The following FHIT variants were observed in gnomAD, a reference collection of about 807,000 sequenced individuals.
FHIT encodes bis(5'-adenosyl)-triphosphatase.
In FHIT, 19 loss-of-function variants were observed where a neutral mutation model predicts 17.9. The ratio of observed to expected loss-of-function variants is 1.06; its 90% confidence interval spans 0.74 to 1.56. The LOEUF (loss-of-function observed/expected upper bound fraction) is 1.56. Ranked by LOEUF, FHIT falls within the 40% of genes most tolerant of loss-of-function variation. FHIT has a pLI of 0.00. For synonymous variants in FHIT, 81 were observed against 69.7 expected (o/e 1.16, Z -0.81); for missense variants, 248 against 189.2 (o/e 1.31, Z -1.82).
At chr3:59,816,133 C>G (rs6769366) in intron 8 of FHIT, among the ~76,000 whole-genome samples, 20,514 of 152,164 alleles carry the variant, frequency 0.13, 1,678 homozygotes, top group African/African-American at 0.21. Flanking sequence ...CAGAGAGTGA[C>G]AGCCAAGACT....
intron 3 of FHIT, among the ~76,000 whole-genome samples, chr3:61,007,407 G>T (rs994951502): frequency 6.6e-6 from 1 of 152,128 alleles, no homozygotes; most frequent in Non-Finnish European, 1.5e-5. Context: ...ATCGATGGAG[G>T]AGCAATAAAT....
chr3:59,854,152 T>C (rs1309463533), intron 8 of FHIT, among the ~76,000 whole-genome samples: 2 of 152,182 alleles, frequency 1.3e-5, no homozygotes, highest in Non-Finnish European at 2.9e-5. Flanking sequence ...TCGTTAGCCC[T>C]GCACTGCAAG....
intron 8 of FHIT, among the ~76,000 whole-genome samples, chr3:59,848,162 A>T (rs1174499570): frequency 6.6e-6 from 1 of 152,200 alleles, no homozygotes; most frequent in African/African-American, 2.4e-5. Flanking sequence ...GTACATGCAC[A>T]GCTGCCTGCC....
chr3:61,087,992 C>A (rs2035357564), intron 2 of FHIT, among the ~76,000 whole-genome samples: 1 of 152,142 alleles, frequency 6.6e-6, no homozygotes, highest in South Asian at 2.1e-4. Flanking sequence ...TAGAGACCTC[C>A]CTCTAGAGCA....
chr3:60,750,471 A>C (rs2042443935), intron 4 of FHIT, among the ~76,000 whole-genome samples: 1 of 152,106 alleles, frequency 6.6e-6, no homozygotes, highest in Non-Finnish European at 1.5e-5. Context: ...TTATGGGAGC[A>C]AGTCTTTCCT....
intron 5 of FHIT, among the ~76,000 whole-genome samples, chr3:60,385,220 G>A (rs556437658): frequency 6.6e-6 from 1 of 152,302 alleles, no homozygotes; most frequent in South Asian, 2.1e-4. Context: ...ATACAAGGCA[G>A]CAGTAAATGT....
intron 5 of FHIT, among the ~76,000 whole-genome samples, chr3:60,339,834 G>C (rs577537020): frequency 6.6e-6 from 1 of 152,048 alleles, no homozygotes; most frequent in Non-Finnish European, 1.5e-5. Context: ...TTCTCACCTT[G>C]TTGCTATGCA....
At chr3:60,053,886 T>C (rs1701982100) in intron 5 of FHIT, among the ~76,000 whole-genome samples, 1 of 152,164 alleles carries the variant, frequency 6.6e-6, no homozygotes, top group Non-Finnish European at 1.5e-5. Flanking sequence ...TTCTTAAAAA[T>C]ATACAGACAG....
At chr3:60,443,265 T>G (rs7373797) in intron 5 of FHIT, among the ~76,000 whole-genome samples, 144,093 of 152,128 alleles carry the variant, frequency 0.95, 68,676 homozygotes, top group East Asian at 1. Context: ...TACCCTTTAC[T>G]TCTTTCTCCT....
At chr3:60,087,766 T>A (rs970985327) in intron 5 of FHIT, among the ~76,000 whole-genome samples, 1 of 152,182 alleles carries the variant, frequency 6.6e-6, no homozygotes, top group Non-Finnish European at 1.5e-5. Context: ...AGTCTATATT[T>A]CTATCAGCAT....
At chr3:60,150,581 A>C (rs924290873) in intron 5 of FHIT, among the ~76,000 whole-genome samples, 3 of 152,156 alleles carry the variant, frequency 2.0e-5, no homozygotes, top group African/African-American at 7.2e-5. Flanking sequence ...CTCAGTCTCG[A>C]AAGTCGCTGA....
chr3:59,996,674 T>G (rs1178264994), intron 7 of FHIT, among the ~76,000 whole-genome samples: 1 of 152,068 alleles, frequency 6.6e-6, no homozygotes, highest in African/African-American at 2.4e-5. Flanking sequence ...GAAAAATGAT[T>G]AGCATGAAAG....
intron 5 of FHIT, among the ~76,000 whole-genome samples, chr3:60,234,655 A>G (rs1338974426): frequency 6.6e-6 from 1 of 152,192 alleles, no homozygotes; most frequent in Non-Finnish European, 1.5e-5. Context: ...TTCCTTTCAG[A>G]TGTTCCTGGC....
At chr3:60,909,818 A>G (rs782248314) in intron 3 of FHIT, among the ~76,000 whole-genome samples, 1 of 152,162 alleles carries the variant, frequency 6.6e-6, no homozygotes, top group Non-Finnish European at 1.5e-5. Flanking sequence ...CCTTTCATTT[A>G]AAAGATACCT....
At chr3:61,248,067 T>C (rs1260245077) in intron 1 of FHIT, among the ~76,000 whole-genome samples, 1 of 152,224 alleles carries the variant, frequency 6.6e-6, no homozygotes, top group Admixed American at 6.5e-5. Context: ...AGACAACCCC[T>C]TGGAGAATGA....
At position 60,914,616 on chromosome 3, in the gene FHIT, C is replaced by T. The variant is rs572493100; in HGVS notation, c.-110-92605G>A. 4.3e-4 allele frequency among the ~76,000 whole-genome samples: 66 copies of T among 152,232 alleles called. 1 individual carries two copies. In the South Asian group the frequency reaches 0.013, roughly 30 times the overall value. Reference sequence around the variant, plus strand: ...ACACAAGGCCATGAATGAGTATCTGCATGTTCTTCAATGATGATTATCAAT... The same window carrying T: ...ACACAAGGCCATGAATGAGTATCTGTATGTTCTTCAATGATGATTATCAAT... On this transcript the variant is annotated intron_variant, in intron 3 of 9. Transcript: ENST00000492590.
intron 3 of FHIT, among the ~76,000 whole-genome samples, chr3:60,996,288 C>T (rs1172324402): frequency 6.6e-6 from 1 of 152,080 alleles, no homozygotes; most frequent in Non-Finnish European, 1.5e-5. Flanking sequence ...ATGCAAAATG[C>T]GGTGCAAGAC....
intron 5 of FHIT, among the ~76,000 whole-genome samples, chr3:60,303,493 C>G (rs6763702): frequency 0.045 from 6,815 of 152,176 alleles, 519 homozygotes; most frequent in African/African-American, 0.16. Context: ...TGAATCTGAG[C>G]CCTCTCCCGT....
intron 5 of FHIT, among the ~76,000 whole-genome samples, chr3:60,264,889 T>C (rs1706491739): frequency 6.6e-6 from 1 of 152,008 alleles, no homozygotes; most frequent in Non-Finnish European, 1.5e-5. Context: ...CGTTTTCTAA[T>C]TGCCCCCCTG....
Sources: allele counts gnomAD v4.1 joint callset (sites outside exome capture counted in the v4.1 genomes callset), GRCh38; gene constraint gnomAD v4.1.1; transcripts MANE v1.5; gene names NCBI Gene and HGNC (gene_info 2026-07-23, HGNC 2026-07-21).